The following DCX variants were observed in gnomAD, a reference collection of about 807,000 sequenced individuals.
DCX encodes doublecortin.
Under a neutral mutation model 20.9 loss-of-function variants are expected in DCX, and 4 were observed. The observed-to-expected ratio is 0.19, with a 90% CI of 0.09 to 0.44. The LOEUF (loss-of-function observed/expected upper bound fraction) is 0.44, where lower values mean the gene tolerates loss of function less well. DCX is among the 20% of genes least tolerant of loss of function. The pLI, the probability that DCX is intolerant of heterozygous loss-of-function variation, is 0.99. For synonymous variants in DCX, 103 were observed against 111.4 expected, an observed-to-expected ratio of 0.92 and a Z score of 0.47; for missense variants, 133 against 296.9, an observed-to-expected ratio of 0.45 and a Z score of 4.06.
At chrX:111,397,166 C>T (rs191854705) in intron 3 of DCX, among the ~76,000 whole-genome samples, 55 of 111,738 alleles carry the variant, frequency 4.9e-4, no homozygotes, top group African/African-American at 1.7e-3. Flanking sequence ...CAATAACCAA[C>T]TGGGCTCTTT....
chrX:111,376,193 G>T (rs1569494776), intron 3 of DCX, among the ~76,000 whole-genome samples: 1 of 111,971 alleles, frequency 8.9e-6, no homozygotes, highest in Non-Finnish European at 1.9e-5. Context: ...AACTTAAGCA[G>T]ATTGAGGTGT....
chrX:111,381,934 TC>T (rs1323200789), intron 3 of DCX, among the ~76,000 whole-genome samples: 1 of 111,903 alleles, frequency 8.9e-6, no homozygotes, highest in Non-Finnish European at 1.9e-5. Flanking sequence ...AGCCTTTGAT[TC>T]TTTTTTTTTA....
intron 5 of DCX, among the ~76,000 whole-genome samples, chrX:111,327,536 T>C (rs1285707319): frequency 3.6e-5 from 4 of 112,471 alleles, no homozygotes; most frequent in Non-Finnish European, 7.5e-5. Flanking sequence ...ACTCTGTAAA[T>C]TGTAAATAAC....
intron 5 of DCX, among the ~76,000 whole-genome samples, chrX:111,315,871 T>C (rs1448943340): frequency 3.0e-5 from 1 of 33,260 alleles, no homozygotes; most frequent in African/African-American, 1.5e-4. Flanking sequence ...TAGGTGGGAA[T>C]TGAACAATGA....
At chrX:111,405,820 C>G (rs1490088088) in intron 2 of DCX, among the ~76,000 whole-genome samples, 2 of 111,630 alleles carry the variant, frequency 1.8e-5, no homozygotes, top group Non-Finnish European at 3.8e-5. Flanking sequence ...CACTAAGACC[C>G]TCGGTGTACC....
rs753404442 is a variant in DCX, at chrX:111,310,237, C to T, written c.1044+2402G>A. On this transcript the variant is annotated intron_variant, in intron 6 of 6. Coordinates refer to ENST00000636035, the MANE Select transcript of DCX (RefSeq NM_001195553.2). The stretch of plus-strand genomic sequence containing the variant: ...GTCCCAGCTGCTCGGGAGGCTGAGG[C>T]AGGAGAATGGCTTGAACCCGGGAGT... 1.5e-4 allele frequency among the ~76,000 whole-genome samples: 17 copies of T among 111,406 alleles called. No homozygotes were observed. The East Asian group carries it at 4.2e-3, about 28-fold the overall frequency.
chrX:111,317,606 A>G (rs2095075786), intron 5 of DCX, among the ~76,000 whole-genome samples: 1 of 112,042 alleles, frequency 8.9e-6, no homozygotes, highest in Admixed American at 9.4e-5. Context: ...GAAAGAAACT[A>G]TCAACAGAGT....
intron 5 of DCX, among the ~76,000 whole-genome samples, chrX:111,315,127 T>C (rs770566422): frequency 1.8e-5 from 2 of 109,165 alleles, no homozygotes; most frequent in Non-Finnish European, 3.8e-5. Context: ...CCATCTTGAA[T>C]TGATTTTTGT....
At chrX:111,303,925 T>C (rs910754837) in intron 6 of DCX, among the ~76,000 whole-genome samples, 3 of 111,852 alleles carry the variant, frequency 2.7e-5, no homozygotes, top group African/African-American at 9.8e-5. Context: ...TTGTTTGGGG[T>C]TTGCTCTTTT....
intron 5 of DCX, among the ~76,000 whole-genome samples, chrX:111,315,935 C>T (rs1219344697): frequency 1.9e-4 from 8 of 42,079 alleles, no homozygotes; most frequent in Non-Finnish European, 3.2e-4. Flanking sequence ...GTGGTGGGGT[C>T]GGGGGAGGGG....
rs890981433 is a variant in DCX, at chrX:111,304,824, A to C, written c.1045-3081T>G. On this transcript the variant is annotated intron_variant, in intron 6 of 6. Transcript: ENST00000636035. Reference sequence around the variant, plus strand: ...AAGGATCTTTGAAAAGCTCAGACATATTCCTGGGAATCTAGAAGGTCAGGC... The same window carrying C: ...AAGGATCTTTGAAAAGCTCAGACATCTTCCTGGGAATCTAGAAGGTCAGGC... 2.4e-4 allele frequency among the ~76,000 whole-genome samples: 27 copies of C among 111,890 alleles called. 1 individual carries two copies. The highest frequency in any genetic ancestry group is 8.4e-4 in the African/African-American group (26 of 30,781).
chrX:111,307,425 A>G (rs996868379), intron 6 of DCX, among the ~76,000 whole-genome samples: 4 of 110,720 alleles, frequency 3.6e-5, no homozygotes, highest in African/African-American at 1.3e-4. Context: ...CTCTATTACT[A>G]TGTTATGACT....
intron 3 of DCX, among the ~76,000 whole-genome samples, chrX:111,357,339 G>A (rs892309707): frequency 1.8e-5 from 2 of 112,021 alleles, no homozygotes; most frequent in East Asian, 2.8e-4. Flanking sequence ...GACTCAATTC[G>A]TGGTTTCAAA....
chrX:111,328,030 G>A (rs1459311988), intron 5 of DCX, among the ~76,000 whole-genome samples: 1 of 112,203 alleles, frequency 8.9e-6, no homozygotes, highest in Non-Finnish European at 1.9e-5. Context: ...TTATGTTCAT[G>A]AACATCAGAA....
intron 5 of DCX, among the ~76,000 whole-genome samples, 153 bp downstream of exon 5, chrX:111,330,751 C>T (rs763818559): frequency 5.3e-5 from 6 of 112,320 alleles, no homozygotes; most frequent in Non-Finnish European, 9.4e-5. Context: ...CTCCATGACT[C>T]CAAACAAGTT....
intron 2 of DCX, among the ~76,000 whole-genome samples, chrX:111,408,666 G>GAAAGAAAT (rs1928438913): frequency 1.9e-5 from 2 of 107,973 alleles, no homozygotes; most frequent in African/African-American, 6.8e-5. Context: ...AAGAAAGAAA[G>GAAAGAAAT]AAAGAAAGAA....
At chrX:111,342,611 A>C (rs1368084156) in intron 3 of DCX, among the ~76,000 whole-genome samples, 1 of 107,663 alleles carries the variant, frequency 9.3e-6, no homozygotes, top group Non-Finnish European at 1.9e-5. Flanking sequence ...AAGAGAATAC[A>C]CATTCTTCTC....
rs1226791836 is a variant in DCX, at chrX:111,344,138, C to T, written c.706-10985G>A. The stretch of plus-strand genomic sequence containing the variant: ...ACATAAACAGAACCAAAGACAAAAA[C>T]CACATGATTATCTCAATAGATGCAG... On this transcript the variant is annotated intron_variant, in intron 3 of 6. Coordinates refer to ENST00000636035, the MANE Select transcript of DCX (RefSeq NM_001195553.2). Among the ~76,000 whole-genome samples the T allele has an allele frequency of 6.3e-5, 7 of 111,980 alleles. No homozygotes were observed. In the Admixed American group the frequency reaches 6.6e-4, roughly 11 times the overall value.
At chrX:111,408,213 A>G (rs1383442355) in intron 2 of DCX, among the ~76,000 whole-genome samples, 1 of 111,782 alleles carries the variant, frequency 8.9e-6, no homozygotes, top group Non-Finnish European at 1.9e-5. Context: ...GACATGCTCC[A>G]GGATGGCCAG....
Sources: gnomAD v4.1 joint callset for allele counts (sites outside exome capture counted in the v4.1 genomes callset) on GRCh38, gnomAD v4.1.1 for gene constraint, MANE v1.5 for transcripts, NCBI Gene and HGNC (gene_info 2026-07-23, HGNC 2026-07-21) for gene names.